The following CNTN6 variants were observed in gnomAD, a reference collection of about 807,000 sequenced individuals.
CNTN6 encodes the protein contactin-6.
CNTN6 carries 137 observed loss-of-function variants against 122.8 expected under a neutral mutation model. That is an observed-to-expected ratio of 1.12 (90% CI 0.97 to 1.29). The LOEUF (loss-of-function observed/expected upper bound fraction) is 1.29. Ranked by LOEUF, CNTN6 falls within the 50% of genes most tolerant of loss-of-function variation. The pLI, the probability that CNTN6 is intolerant of heterozygous loss-of-function variation, is 0.00. For synonymous variants in CNTN6, 570 were observed against 426.0 expected, an observed-to-expected ratio of 1.34 and a Z score of -4.16; for missense variants, 1,634 against 1,223.4, an observed-to-expected ratio of 1.34 and a Z score of -5.01.
intron 1 of CNTN6, among the ~76,000 whole-genome samples, chr3:1,122,204 C>T (rs1229422250): frequency 6.6e-6 from 1 of 151,408 alleles, no homozygotes; most frequent in Non-Finnish European, 1.5e-5. Flanking sequence ...AATGTATGTG[C>T]ATATCCAGAT....
intron 11 of CNTN6, among the ~76,000 whole-genome samples, chr3:1,348,768 G>C (rs1705165126): frequency 6.6e-6 from 1 of 151,896 alleles, no homozygotes; most frequent in Admixed American, 6.6e-5. Context: ...GGTACCTTGA[G>C]TCACTTATTG....
chr3:1,333,057 T>A (rs1045737442), intron 11 of CNTN6, among the ~76,000 whole-genome samples: 1 of 152,038 alleles, frequency 6.6e-6, no homozygotes, highest in African/African-American at 2.4e-5. Context: ...TAAAAAAGTT[T>A]ATTTGATTGA....
At chr3:1,356,642 T>C (rs1167800128) in intron 12 of CNTN6, among the ~76,000 whole-genome samples, 2 of 151,802 alleles carry the variant, frequency 1.3e-5, no homozygotes, top group East Asian at 3.9e-4. Context: ...TTGGAATACA[T>C]TTGTCATATC....
chr3:1,308,951 T>C (rs1189374613), intron 7 of CNTN6, among the ~76,000 whole-genome samples: 2 of 152,190 alleles, frequency 1.3e-5, no homozygotes, highest in African/African-American at 2.4e-5. Flanking sequence ...GACGTCTGCT[T>C]ATATCTTTTC....
Position 1,383,021 on chromosome 3 carries a change from C to A in CNTN6, c.2246C>A (p.Ser749Tyr), listed in dbSNP as rs1692161111. 6.2e-7 allele frequency: 1 copy of A among 1,614,062 alleles called. No individual in the cohort carries two copies. Among genetic ancestry groups the A allele is most frequent in the African/African-American group, 1.3e-5 (1 of 75,026 alleles). ...CGGCCAGTGGGCTCGACAACCTGGT[C>A]CAAGGAGAAAGTGTCATCTGTGGAA... ...MFRPVGSTTW[S>Y]KEKVSSVESS... Residue 749 changes from serine to tyrosine, a missense_variant, in exon 18 of 23, where the codon TCC becomes TAC. Transcript: ENST00000446702.
chr3:1,342,825 C>T (rs189654016), intron 11 of CNTN6, among the ~76,000 whole-genome samples: 1 of 152,110 alleles, frequency 6.6e-6, no homozygotes, highest in Admixed American at 6.6e-5. Flanking sequence ...TTGTTTTATA[C>T]ACCAAGTCTT....
At chr3:1,292,018 C>T (rs897420095) in intron 5 of CNTN6, among the ~76,000 whole-genome samples, 2 of 152,110 alleles carry the variant, frequency 1.3e-5, no homozygotes, top group Non-Finnish European at 2.9e-5. Flanking sequence ...AACCCCCATC[C>T]ATCGTCAAAA....
At chr3:1,189,578 A>C (rs914888295) in intron 2 of CNTN6, among the ~76,000 whole-genome samples, 1 of 152,190 alleles carries the variant, frequency 6.6e-6, no homozygotes, top group Admixed American at 6.5e-5. Context: ...GGATATATGA[A>C]ATAATTTTGG....
intron 7 of CNTN6, among the ~76,000 whole-genome samples, chr3:1,300,607 GAGAAAGA>G (rs1559756502): frequency 7.1e-6 from 1 of 140,710 alleles, no homozygotes; most frequent in East Asian, 2.0e-4. Flanking sequence ...GAAAGAAAGA[GAGAAAGA>G]AAGGAAGAAA....
At chr3:1,247,474 T>C (rs976213028) in intron 4 of CNTN6, among the ~76,000 whole-genome samples, 6 of 151,464 alleles carry the variant, frequency 4.0e-5, no homozygotes, top group African/African-American at 1.5e-4. Flanking sequence ...GAGGCTTGAA[T>C]TGTAAGTGAA....
Position 1,220,796 on chromosome 3 carries a change from C to T in CNTN6, c.165C>T (p.Tyr55=). 6.2e-7 allele frequency: 1 copy of T among 1,605,818 alleles called. No individual in the cohort carries two copies. Among genetic ancestry groups the T allele is most frequent in the Non-Finnish European group, 8.5e-7 (1 of 1,176,904 alleles). ...EVILNCAANG[Y]PSPHYRWKQN... is the part of the protein sequence containing the mutation. ...TCCTGAATTGTGCTGCTAATGGTTA[C>T]CCTTCGCCTCATTATAGGTAAAATC... is the stretch of plus-strand genomic sequence containing the variant. The change falls in exon 3 of 23, where the codon TAC becomes TAT. Residue 55 remains tyrosine (Y), a synonymous_variant. Transcript: ENST00000446702.
Position 1,382,920 on chromosome 3 carries a change from GATTGATC to G in CNTN6, c.2167-20_2167-14del, listed in dbSNP as rs1559980618. 3 of 1,541,968 alleles carry G rather than the reference GATTGATC, an allele frequency of 1.9e-6. No individual in the cohort carries two copies. In the Admixed American group the frequency reaches 5.1e-5, roughly 26 times the overall value. ...TAAAATATTTTTGCAAATACTCAGT[GATTGATC>G]ACATTCTGCCCAAGTCAATTCCAGA... On this transcript the variant is annotated splice_polypyrimidine_tract_variant and intron_variant, in intron 17 of 22. Coordinates refer to ENST00000446702, the MANE Select transcript of CNTN6 (RefSeq NM_001289080.2).
intron 11 of CNTN6, among the ~76,000 whole-genome samples, chr3:1,339,462 A>T (rs941314683): frequency 1.3e-5 from 2 of 152,152 alleles, no homozygotes; most frequent in Admixed American, 1.3e-4. Flanking sequence ...TCTCCTGGGG[A>T]AGGCAGACAA....
chr3:1,245,016 T>G (rs1243316292), intron 4 of CNTN6, among the ~76,000 whole-genome samples: 1 of 149,334 alleles, frequency 6.7e-6, no homozygotes, highest in Non-Finnish European at 1.5e-5. Flanking sequence ...GGATCTTCAG[T>G]TACTTCAGGC....
At chr3:1,174,860 T>C (rs2093419860) in intron 2 of CNTN6, among the ~76,000 whole-genome samples, 1 of 152,126 alleles carries the variant, frequency 6.6e-6, no homozygotes, top group African/African-American at 2.4e-5. Flanking sequence ...CGGAAATAAT[T>C]GTTTATTCTT....
chr3:1,282,021 G>A (rs1023818042), intron 5 of CNTN6, among the ~76,000 whole-genome samples: 12 of 150,980 alleles, frequency 7.9e-5, no homozygotes, highest in African/African-American at 2.5e-4. Flanking sequence ...TAACTTTATA[G>A]GAGAGTAAGA....
At position 1,359,561 on chromosome 3, in the gene CNTN6, ATTACT is replaced by A. The variant is rs142509164; in HGVS notation, c.1492+7114_1492+7118del. On this transcript the variant is annotated intron_variant, in intron 12 of 22. Transcript: ENST00000446702. The stretch of plus-strand genomic sequence containing the variant: ...GGTAAATTGGAATATATTGACCATG[ATTACT>A]TTATGCATTGAAATTAAATTTTACT... Among the ~76,000 whole-genome samples the A allele has an allele frequency of 4.4e-3, 670 of 152,216 alleles. 5 individuals are homozygous for A. Among genetic ancestry groups the A allele is most frequent in the African/African-American group, 0.015 (630 of 41,544 alleles).
At chr3:1,268,904 C>T (rs2094975003) in intron 4 of CNTN6, among the ~76,000 whole-genome samples, 1 of 151,746 alleles carries the variant, frequency 6.6e-6, no homozygotes, top group South Asian at 2.1e-4. Context: ...TTGCATGAGC[C>T]CAGAGATTTG....
intron 18 of CNTN6, 26 bp downstream of exon 18, chr3:1,383,202 C>CT (rs776499239): frequency 2.3e-5 from 37 of 1,600,380 alleles, no homozygotes; most frequent in Non-Finnish European, 3.2e-5. Flanking sequence ...CTCTGGTTTT[C>CT]TTTGAGACTC....
Sources: allele counts gnomAD v4.1 joint callset (sites outside exome capture counted in the v4.1 genomes callset), GRCh38; gene constraint gnomAD v4.1.1; transcripts MANE v1.5; gene names NCBI Gene and HGNC (gene_info 2026-07-23, HGNC 2026-07-21).